The following STMP1 variants were observed in gnomAD, a reference collection of about 807,000 sequenced individuals.
The protein encoded by STMP1 is mitolamban.
In STMP1, 7 loss-of-function variants were observed where a neutral mutation model predicts 7.0. The ratio of observed to expected loss-of-function variants is 1.01; its 90% CI spans 0.57 to 1.89. STMP1 has a LOEUF of 1.89. Among genes scored for constraint, STMP1 ranks in the 40% most tolerant of loss-of-function variants. The probability of loss-of-function intolerance (pLI) is 0.00; values close to 1 mark genes in which losing one functional copy is unlikely to be tolerated. For missense variants in STMP1, 45 were observed against 53.0 expected (o/e 0.85, Z 0.47); for synonymous variants, 19 against 18.4 (o/e 1.03, Z -0.08).
intron 1 of STMP1, among the ~76,000 whole-genome samples, chr7:135,672,493 TTTG>T (rs1421394732): frequency 6.6e-6 from 1 of 152,198 alleles, no homozygotes; most frequent in African/African-American, 2.4e-5. Flanking sequence ...TTTATTCTTT[TTTG>T]TTGTTTTATT....
Position 135,674,098 on chromosome 7 carries a change from ACCTGGCTAAAAAACTTG to A in STMP1, c.78_94del (p.Asn26LysfsTer4). 1 of 1,549,946 alleles carries A rather than the reference ACCTGGCTAAAAAACTTG, an allele frequency of 6.5e-7. No individual in the cohort carries two copies. Reference sequence around the variant, plus strand: ...CCTTTTTTCTCTTCAAAGATACCAAACCTGGCTAAAAAACTTGAAGAAATTAAAAAGGACTTGGATGC... The same window carrying A: ...CCTTTTTTCTCTTCAAAGATACCAAAAAGAAATTAAAAAGGACTTGGATGC... On this transcript the variant is annotated frameshift_variant, in exon 3 of 3. Transcript: ENST00000507606. LOFTEE classifies it high-confidence loss of function.
At position 135,674,231 on chromosome 7, in the gene STMP1, C is replaced by T. The variant is rs986790476; in HGVS notation, c.*66C>T. ...TGCTCTTGAGGGCCTCGTTTACTATCTGAACCAAAAGCTTTTGTTTTCGTC... is the reference window on the plus strand; with the variant it reads ...TGCTCTTGAGGGCCTCGTTTACTATTTGAACCAAAAGCTTTTGTTTTCGTC... On this transcript the variant is annotated 3_prime_UTR_variant, in exon 3 of 3. Transcript: ENST00000507606. The T allele has an allele frequency of 2.5e-6, 3 of 1,215,034 alleles. No individual in the cohort carries two copies. In the African/African-American group the frequency reaches 4.7e-5, roughly 19 times the overall value. 75.3% of individuals were successfully genotyped at this position (1,215,034 alleles called of 1,614,324 possible).
chr7:135,665,230 G>A (rs186466030), intron 1 of STMP1, among the ~76,000 whole-genome samples: 2 of 152,314 alleles, frequency 1.3e-5, no homozygotes, highest in East Asian at 3.9e-4. Context: ...AAGTTAAGCA[G>A]TGCGTTGTCA....
At chr7:135,672,403 T>C (rs1227397840) in intron 1 of STMP1, among the ~76,000 whole-genome samples, 2 of 152,184 alleles carry the variant, frequency 1.3e-5, no homozygotes. Flanking sequence ...TTGGCTTGAG[T>C]TTCCAGGACT....
chr7:135,664,712 C>T (rs1198480402), intron 1 of STMP1, among the ~76,000 whole-genome samples: 5 of 152,118 alleles, frequency 3.3e-5, no homozygotes, highest in African/African-American at 1.2e-4. Context: ...GATGTTCTCT[C>T]ACCCTCTGGT....
rs747765333 is a variant in STMP1, at chr7:135,662,623, C to T, written c.15+29C>T. ...AGTGGAGCTGCCGAAGAGCGGGGCCCGCTGCCTGGGGCGTGCCTCGGACCC... is the reference window on the plus strand; with the variant it reads ...AGTGGAGCTGCCGAAGAGCGGGGCCTGCTGCCTGGGGCGTGCCTCGGACCC... On this transcript the variant is annotated intron_variant, in intron 1 of 2. Coordinates refer to ENST00000507606, the MANE Select transcript of STMP1 (RefSeq NM_001130929.2). The T allele has an allele frequency of 3.4e-5, 52 of 1,544,356 alleles. No individual in the cohort carries two copies. In the South Asian group the frequency reaches 5.7e-4, roughly 17 times the overall value.
chr7:135,668,406 A>G (rs762612346), intron 1 of STMP1, among the ~76,000 whole-genome samples: 6 of 152,082 alleles, frequency 3.9e-5, no homozygotes, highest in Non-Finnish European at 5.9e-5. Context: ...TCTCCCTACC[A>G]TGATTGCATG....
intron 1 of STMP1, among the ~76,000 whole-genome samples, chr7:135,663,651 TG>T (rs1229481379): frequency 2.0e-5 from 3 of 150,138 alleles, no homozygotes; most frequent in African/African-American, 7.4e-5. Context: ...GCTCAAATGC[TG>T]TATCTTTTTT....
chr7:135,668,784 C>T (rs1795324426), intron 1 of STMP1, among the ~76,000 whole-genome samples: 5 of 152,210 alleles, frequency 3.3e-5, no homozygotes, highest in Non-Finnish European at 5.9e-5. Flanking sequence ...AACTCAAATT[C>T]TCTTTTCCAG....
chr7:135,666,172 A>G (rs1480883657), intron 1 of STMP1, among the ~76,000 whole-genome samples: 1 of 152,026 alleles, frequency 6.6e-6, no homozygotes, highest in African/African-American at 2.4e-5. Context: ...ACCTCAAGTG[A>G]TTTACCCACC....
intron 1 of STMP1, among the ~76,000 whole-genome samples, chr7:135,665,963 G>A (rs1270934308): frequency 4.6e-5 from 7 of 151,128 alleles, no homozygotes; most frequent in African/African-American, 4.9e-5. Flanking sequence ...GTGCACTGGT[G>A]CCATCTTGGC....
At chr7:135,667,772 A>G (rs986138617) in intron 1 of STMP1, among the ~76,000 whole-genome samples, 6 of 150,876 alleles carry the variant, frequency 4.0e-5, no homozygotes, top group African/African-American at 1.5e-4. Context: ...CTCATGTGAA[A>G]CACAGATATT....
rs1347821275 is a variant in STMP1, at chr7:135,674,760, G to T, written c.*595G>T. ...TCTGAGAATCCTGTCAGGAATTGGG[G>T]AATGAAAAAATACACAAAATAATGG... On this transcript the variant is annotated 3_prime_UTR_variant, in exon 3 of 3. Transcript: ENST00000507606. 6.6e-6 allele frequency: 1 copy of T among 152,080 alleles called. No individual in the cohort carries two copies. The highest frequency in any genetic ancestry group is 1.5e-5 in the Non-Finnish European group (1 of 68,036). The allele number at this position is 152,080 out of a possible 1,614,324, so 9.4% of individuals were successfully genotyped here.
At chr7:135,664,241 T>C (rs1378381582) in intron 1 of STMP1, among the ~76,000 whole-genome samples, 2 of 152,200 alleles carry the variant, frequency 1.3e-5, no homozygotes, top group Admixed American at 6.5e-5. Flanking sequence ...TATCTGTTGC[T>C]CATTGATAAA....
intron 2 of STMP1, chr7:135,673,050 C>T (rs1795372940): frequency 2.0e-6 from 1 of 497,078 alleles, no homozygotes; most frequent in Non-Finnish European, 3.6e-6. Flanking sequence ...TGATCATCCT[C>T]AGCTGTGGCT....
rs1446209665 is a variant in STMP1, at chr7:135,675,670, A to G, written c.*1505A>G. Reference sequence around the variant, plus strand: ...TTCAGAGGACTTGTTGAGCAGCTTCACTAATAATGCCATTTTTGAAGACAT... The same window carrying G: ...TTCAGAGGACTTGTTGAGCAGCTTCGCTAATAATGCCATTTTTGAAGACAT... On this transcript the variant is annotated 3_prime_UTR_variant, in exon 3 of 3. Transcript: ENST00000507606. 1 of 152,190 alleles carries G rather than the reference A, an allele frequency of 6.6e-6. No individual in the cohort carries two copies. The highest frequency in any genetic ancestry group is 6.5e-5 in the Admixed American group (1 of 15,272). 9.4% of individuals were successfully genotyped at this position (152,190 alleles called of 1,614,324 possible).
intron 2 of STMP1, among the ~76,000 whole-genome samples, chr7:135,673,510 T>A (rs1463634227): frequency 6.6e-6 from 1 of 152,108 alleles, no homozygotes; most frequent in African/African-American, 2.4e-5. Flanking sequence ...TCACATTTAT[T>A]GTTTATATGT....
At chr7:135,673,575 G>A (rs80045290) in intron 2 of STMP1, among the ~76,000 whole-genome samples, 4,292 of 152,256 alleles carry the variant, frequency 0.028, 85 homozygotes, top group Middle Eastern at 0.099. Flanking sequence ...AAGTAGAAGT[G>A]GGTTTCAGAG....
intron 2 of STMP1, among the ~76,000 whole-genome samples, 180 bp from the exon 3 acceptor site, chr7:135,673,911 C>T (rs1795382399): frequency 6.6e-6 from 1 of 152,162 alleles, no homozygotes; most frequent in South Asian, 2.1e-4. Context: ...GCCCTCCAGC[C>T]TGAGTGACAG....
Sources: allele counts gnomAD v4.1 joint callset (sites outside exome capture counted in the v4.1 genomes callset), GRCh38; gene constraint gnomAD v4.1.1; transcripts MANE v1.5; gene names NCBI Gene and HGNC (gene_info 2026-07-23, HGNC 2026-07-21).